SORBS3: variants seen among roughly 807,000 people sequenced by gnomAD.
SORBS3 encodes the protein vinexin.
SORBS3 carries 69 observed loss-of-function variants against 98.0 expected under a neutral mutation model. That is an observed-to-expected ratio of 0.70 (90% CI 0.58 to 0.86). SORBS3 has a LOEUF of 0.86. Among genes scored for constraint, SORBS3 ranks in the 40% least tolerant of loss-of-function variants. The pLI, the probability that SORBS3 is intolerant of heterozygous loss-of-function variation, is 0.00. For synonymous variants in SORBS3, 394 were observed against 355.4 expected (o/e 1.11, Z -1.22); for missense variants, 954 against 908.5 (o/e 1.05, Z -0.64).
intron 7 of SORBS3, 50 bp downstream of exon 7, chr8:22,561,981 A>G (rs373785134): frequency 1.4e-4 from 222 of 1,571,536 alleles, no homozygotes; most frequent in Non-Finnish European, 1.9e-4. Context: ...GCGGCCCGCG[A>G]GACACCATGG....
chr8:22,552,816 TC>T (rs145621413), intron 1 of SORBS3, among the ~76,000 whole-genome samples: 7 of 151,994 alleles, frequency 4.6e-5, no homozygotes, highest in South Asian at 2.1e-4. Flanking sequence ...CTGCCTCAAC[TC>T]CCCCCCGCAA....
At chr8:22,558,072 T>A (rs1840220751) in intron 4 of SORBS3, 57 bp from the exon 5 acceptor site, 1 of 1,577,968 alleles carries the variant, frequency 6.3e-7, no homozygotes, top group African/African-American at 1.3e-5. Context: ...TTTTTGTGGC[T>A]TGAAATTGGG....
At chr8:22,551,050 G>A (rs540215104), upstream of SORBS3, among the ~76,000 whole-genome samples, 2 of 152,344 alleles carry the variant, frequency 1.3e-5, no homozygotes, top group Admixed American at 1.3e-4. This position sits in a 1 kb window ranked among gnomAD's most constrained non-coding sequence, Gnocchi z 5.8. Context: ...TCAGAGCAGC[G>A]AGAACAGCGG....
chr8:22,559,868 A>G (rs1004887699), intron 5 of SORBS3, among the ~76,000 whole-genome samples: 1 of 152,052 alleles, frequency 6.6e-6, no homozygotes, highest in Non-Finnish European at 1.5e-5. Flanking sequence ...AGATTTTGGG[A>G]CCAGCCTGGC....
intron 15 of SORBS3, 28 bp downstream of exon 15, chr8:22,566,896 C>T (rs1347773186): frequency 2.5e-6 from 4 of 1,600,150 alleles, no homozygotes; most frequent in East Asian, 2.3e-5. Context: ...CCTCCCCTTC[C>T]ACCCAAGGCA....
At chr8:22,553,296 G>C (rs1042607856) in intron 1 of SORBS3, among the ~76,000 whole-genome samples, 1 of 152,018 alleles carries the variant, frequency 6.6e-6, no homozygotes, top group Non-Finnish European at 1.5e-5. Context: ...AGCTCCTCCC[G>C]ATGCATTTGC....
chr8:22,569,379 C>T (rs951484492), intron 17 of SORBS3, 106 bp downstream of exon 17: 47 of 1,035,550 alleles, frequency 4.5e-5, no homozygotes, highest in Admixed American at 3.9e-4. Context: ...CTCACTCTAT[C>T]GCCAGGCTGT....
chr8:22,558,050 A>G (rs1840220260), intron 4 of SORBS3, 79 bp from the exon 5 acceptor site: 5 of 1,423,098 alleles, frequency 3.5e-6, no homozygotes, highest in African/African-American at 1.4e-5. Flanking sequence ...GAAGGGACTC[A>G]CTAGGGAAAG....
At chr8:22,565,403 T>C (rs1488618028) in intron 11 of SORBS3, 49 bp downstream of exon 11, 3 of 1,446,290 alleles carry the variant, frequency 2.1e-6, no homozygotes, top group Admixed American at 4.2e-5. Flanking sequence ...GACCGCAGGG[T>C]CGGGGCGAGC....
chr8:22,555,917 G>A (rs1840174453), intron 3 of SORBS3, among the ~76,000 whole-genome samples: 1 of 152,192 alleles, frequency 6.6e-6, no homozygotes, highest in South Asian at 2.1e-4. Flanking sequence ...CCCAGAGCGT[G>A]CTGGACACTG....
chr8:22,560,329 C>T (rs575796171), intron 5 of SORBS3, among the ~76,000 whole-genome samples: 28 of 152,086 alleles, frequency 1.8e-4, no homozygotes, highest in African/African-American at 6.5e-4. Flanking sequence ...AAACAACAAT[C>T]CATAAGACTA....
rs1465945035 is a variant in SORBS3, at chr8:22,565,818, C to T, written c.904-8C>T. On this transcript the variant is annotated splice_region_variant and splice_polypyrimidine_tract_variant and intron_variant, in intron 11 of 20. Coordinates refer to ENST00000240123, the MANE Select transcript of SORBS3 (RefSeq NM_005775.5). Reference sequence around the variant, plus strand: ...CGCGGGCCCTGATTGCGCCGTTTCCCCGCGCAGAGCTCGCCGGCGCCCCGA... The same window carrying T: ...CGCGGGCCCTGATTGCGCCGTTTCCTCGCGCAGAGCTCGCCGGCGCCCCGA... The T allele has an allele frequency of 2.7e-5, 35 of 1,312,828 alleles. No individual in the cohort carries two copies. The highest frequency in any genetic ancestry group is 3.3e-5 in the Non-Finnish European group (34 of 1,029,082). 81.3% of individuals were successfully genotyped at this position (1,312,828 alleles called of 1,614,324 possible).
rs2117299461 is a variant in SORBS3 at position 22,571,732 on chromosome 8, T to C, written c.1758T>C (p.Pro586=). 1.9e-6 allele frequency: 3 copies of C among 1,613,766 alleles called. No individual in the cohort carries two copies. The highest frequency in any genetic ancestry group is 1.7e-6 in the Non-Finnish European group (2 of 1,179,728). The change falls in exon 19 of 21, where the codon CCT becomes CCC. Residue 586 remains proline (P), a synonymous_variant. Transcript: ENST00000240123. The part of the protein sequence containing the change: ...PRPQTQNLGT[P]GPALSHSRGP... ...TCAACTCCCAGAATCTTGGCACCCC[T>C]GGTCCAGCTCTGTCCCACTCTCGAG...
chr8:22,563,580 A>G (rs566880175), intron 7 of SORBS3, among the ~76,000 whole-genome samples: 1 of 152,320 alleles, frequency 6.6e-6, no homozygotes, highest in South Asian at 2.1e-4. Flanking sequence ...GCACATAGCC[A>G]CAGTCATGGG....
At chr8:22,549,908 C>G, upstream of SORBS3, 1 of 845,376 alleles carries the variant, frequency 1.2e-6, no homozygotes, top group Non-Finnish European at 1.4e-6. Flanking sequence ...GAGTCCAGGT[C>G]AGAGCCCTAG....
chr8:22,547,591 G>T (rs994352753), upstream of SORBS3, among the ~76,000 whole-genome samples: 8 of 152,226 alleles, frequency 5.3e-5, no homozygotes, highest in African/African-American at 1.7e-4. Context: ...AAAGAAGGCT[G>T]ATGCAGACCT....
At chr8:22,555,648 C>T (rs1295519729) in intron 3 of SORBS3, among the ~76,000 whole-genome samples, 1 of 152,048 alleles carries the variant, frequency 6.6e-6, no homozygotes, top group African/African-American at 2.4e-5. Flanking sequence ...GTCAGGAGTT[C>T]GAGACCAGCC....
chr8:22,568,996 C>T, intron 16 of SORBS3, 152 bp from the exon 17 acceptor site: 1 of 691,866 alleles, frequency 1.4e-6, no homozygotes. Flanking sequence ...GCTGTGCCCA[C>T]CCGTGGCTGC....
intron 19 of SORBS3, 70 bp from the exon 20 acceptor site, chr8:22,572,270 C>T: frequency 7.8e-7 from 1 of 1,288,148 alleles, no homozygotes; most frequent in Non-Finnish European, 1.1e-6. Flanking sequence ...GGGGCATTCA[C>T]AGGAAGCGGC....
Sources: allele counts gnomAD v4.1 joint callset (sites outside exome capture counted in the v4.1 genomes callset), GRCh38; gene constraint gnomAD v4.1.1; non-coding constraint Gnocchi (gnomAD v3.1); transcripts MANE v1.5; gene names NCBI Gene and HGNC (gene_info 2026-07-23, HGNC 2026-07-21).